Variants in SPAG9 observed in about 807,000 individuals in gnomAD.
The protein encoded by SPAG9 is sperm associated antigen 9.
SPAG9 carries 35 observed loss-of-function variants against 166.5 expected under a neutral mutation model. The ratio of observed to expected loss-of-function variants is 0.21; its 90% CI spans 0.16 to 0.28. The LOEUF (loss-of-function observed/expected upper bound fraction) is 0.28, where lower values mean the gene tolerates loss of function less well. Among genes scored for constraint, SPAG9 ranks in the 10% least tolerant of loss-of-function variants. The pLI is 1.00. For synonymous variants in SPAG9, 534 were observed against 565.5 expected (o/e 0.94, Z 0.79); for missense variants, 1,235 against 1,603.3 (o/e 0.77, Z 3.92).
intron 2 of SPAG9, among the ~76,000 whole-genome samples, chr17:51,065,964 C>T (rs2047650830): frequency 6.6e-6 from 1 of 152,318 alleles, no homozygotes; most frequent in South Asian, 2.1e-4. Context: ...CAAGAAATAA[C>T]ATTTGAGTCA....
At chr17:51,101,130 G>A (rs574828386) in intron 1 of SPAG9, among the ~76,000 whole-genome samples, 2 of 151,812 alleles carry the variant, frequency 1.3e-5, no homozygotes, top group African/African-American at 2.4e-5. Flanking sequence ...GGTGGATCAC[G>A]AGGTCAAGAG....
intron 2 of SPAG9, among the ~76,000 whole-genome samples, chr17:51,061,669 T>C (rs9303571): frequency 0.27 from 34,885 of 129,624 alleles, 4,964 homozygotes; most frequent in Admixed American, 0.36. Flanking sequence ...TAACAGAATA[T>C]ACCATTAATT....
intron 5 of SPAG9, among the ~76,000 whole-genome samples, chr17:51,039,830 T>C (rs2144379450): frequency 1.3e-5 from 2 of 152,288 alleles, no homozygotes; most frequent in Middle Eastern, 6.8e-3. Context: ...CTCCTACTTT[T>C]GTTTTGGGAA....
chr17:51,016,900 C>T (rs879702346), intron 8 of SPAG9, among the ~76,000 whole-genome samples: 39 of 151,732 alleles, frequency 2.6e-4, no homozygotes, highest in Non-Finnish European at 4.4e-4. Context: ...GACTCCGTCT[C>T]GGAGGAGGGA....
rs1973257886 is a variant in SPAG9 at position 50,964,420 on chromosome 17, T to A, written c.*1852A>T. The stretch of plus-strand genomic sequence containing the variant: ...CTGGCCAATGTGGTGAAACCCTGTC[T>A]CTACTAAAAATACAAAAATTAGCTG... On this transcript the variant is annotated 3_prime_UTR_variant, in exon 30 of 30. Coordinates refer to ENST00000262013, the MANE Select transcript of SPAG9 (RefSeq NM_001130528.3). 1.3e-5 allele frequency: 2 copies of A among 153,602 alleles called. No individual in the cohort carries two copies. The highest frequency in any genetic ancestry group is 6.6e-5 in the Admixed American group (1 of 15,252). 9.5% of individuals were successfully genotyped at this position (153,602 alleles called of 1,614,324 possible).
At chr17:51,021,422 C>A in intron 6 of SPAG9, 57 bp from the exon 7 acceptor site, 1 of 1,322,218 alleles carries the variant, frequency 7.6e-7, no homozygotes. Flanking sequence ...CTCTAAACCA[C>A]ATTAAATGGG....
In SPAG9 at chr17:50,966,226, C is replaced by A; in HGVS notation, c.*46G>T. On this transcript the variant is annotated 3_prime_UTR_variant, in exon 30 of 30. Transcript: ENST00000262013. ...ATAAAAGGATAGAGGGAAAATAAAC[C>A]ATGCAGAAGAGACGGCTTCCCCATC... 1 of 1,107,730 alleles carries A rather than the reference C, an allele frequency of 9.0e-7. No homozygotes were observed. The highest frequency in any genetic ancestry group is 1.2e-5 in the South Asian group (1 of 80,618). 68.6% of individuals were successfully genotyped at this position (1,107,730 alleles called of 1,614,324 possible).
Position 50,996,515 on chromosome 17 carries a change from A to G in SPAG9, c.1968+50T>C, listed in dbSNP as rs779955174. On this transcript the variant is annotated intron_variant, in intron 16 of 29. Transcript: ENST00000262013. ...AATCCTTCATGCCCACGCACACTCAACTTGCCCTCTTCTTTCCTGCTGGAT... is the reference window on the plus strand; with the variant it reads ...AATCCTTCATGCCCACGCACACTCAGCTTGCCCTCTTCTTTCCTGCTGGAT... The G allele has an allele frequency of 5.6e-6, 9 of 1,610,580 alleles. 1 individual carries two copies. The highest frequency in any genetic ancestry group is 6.8e-6 in the Non-Finnish European group (8 of 1,177,466).
intron 28 of SPAG9, among the ~76,000 whole-genome samples, chr17:50,972,328 C>T (rs1973884888): frequency 6.6e-6 from 1 of 152,208 alleles, no homozygotes; most frequent in African/African-American, 2.4e-5. Context: ...TATGAGTTTG[C>T]ATAGTCATAA....
chr17:51,065,072 G>C (rs889447692), intron 2 of SPAG9, among the ~76,000 whole-genome samples: 10 of 152,110 alleles, frequency 6.6e-5, no homozygotes, highest in African/African-American at 2.4e-4. Context: ...GCAGTGAGTT[G>C]AGATCGCACC....
chr17:51,047,086 A>T (rs2047046829), intron 4 of SPAG9: 1 of 311,866 alleles, frequency 3.2e-6, no homozygotes, highest in African/African-American at 2.2e-5. Flanking sequence ...ATATTTCAGC[A>T]TTCCCATAAA....
At chr17:51,118,512 C>T (rs1448985557) in intron 1 of SPAG9, among the ~76,000 whole-genome samples, 1 of 152,114 alleles carries the variant, frequency 6.6e-6, no homozygotes, top group African/African-American at 2.4e-5. Flanking sequence ...ATTTATTTTA[C>T]GTGAGGTAAA....
At chr17:51,103,387 G>C (rs536667495) in intron 1 of SPAG9, among the ~76,000 whole-genome samples, 1 of 152,240 alleles carries the variant, frequency 6.6e-6, no homozygotes, top group South Asian at 2.1e-4. Flanking sequence ...ACCACAGTCG[G>C]GTGTTAAGGC....
Position 51,069,288 on chromosome 17 carries a change from T to C in SPAG9, c.424+10296A>G, listed in dbSNP as rs1485764948. ...ATGTAGAAGGAATTGCCTATTGACA[T>C]AGAACTAAAGTGGAAAAAGTGTCCT... On this transcript the variant is annotated intron_variant, in intron 2 of 29. Transcript: ENST00000262013. 4.6e-5 allele frequency among the ~76,000 whole-genome samples: 7 copies of C among 152,154 alleles called. No homozygotes were observed. In the East Asian group the frequency reaches 5.8e-4, roughly 13 times the overall value.
chr17:51,024,975 C>A (rs7222254), intron 6 of SPAG9, among the ~76,000 whole-genome samples: 1 of 149,858 alleles, frequency 6.7e-6, no homozygotes, highest in Non-Finnish European at 1.5e-5. Flanking sequence ...GGCAAGATTG[C>A]GCCACTGCAC....
At chr17:51,061,612 C>CAAAAAAAAAAAAAAAAAA (rs34010166) in intron 2 of SPAG9, among the ~76,000 whole-genome samples, 1 of 31,726 alleles carries the variant, frequency 3.2e-5, no homozygotes, top group African/African-American at 1.0e-4. Context: ...GCTCTGTCTC[C>CAAAAAAAAAAAAAAAAAA]AAAAAAAAAA....
At chr17:50,987,291 A>C in intron 21 of SPAG9, 54 bp from the exon 22 acceptor site, 1 of 1,501,174 alleles carries the variant, frequency 6.7e-7, no homozygotes, top group Non-Finnish European at 9.0e-7. Context: ...CTATCGTTAT[A>C]GTTTTCAGGG....
At chr17:51,111,558 T>G (rs140582525) in intron 1 of SPAG9, among the ~76,000 whole-genome samples, 2 of 152,160 alleles carry the variant, frequency 1.3e-5, no homozygotes, top group African/African-American at 4.8e-5. Context: ...CTGAACCAGT[T>G]TGGTACTATA....
intron 6 of SPAG9, among the ~76,000 whole-genome samples, chr17:51,022,645 A>AATG (rs1358211843): frequency 6.6e-6 from 1 of 151,086 alleles, no homozygotes; most frequent in Non-Finnish European, 1.5e-5. Flanking sequence ...TAATAATAAT[A>AATG]ATAATAATAA....
Sources: gnomAD v4.1 joint callset for allele counts (sites outside exome capture counted in the v4.1 genomes callset) on GRCh38, gnomAD v4.1.1 for gene constraint, MANE v1.5 for transcripts, NCBI Gene and HGNC (gene_info 2026-07-23, HGNC 2026-07-21) for gene names.